KDM6A: variants seen among roughly 807,000 people sequenced by gnomAD.
KDM6A encodes the protein lysine-specific demethylase 6A.
In KDM6A, 11 loss-of-function variants were observed where a neutral mutation model predicts 117.6. The ratio of observed to expected loss-of-function variants is 0.09; its 90% CI spans 0.06 to 0.15. The LOEUF is 0.15. KDM6A is among the 10% of genes least tolerant of loss of function. The probability of loss-of-function intolerance (pLI) is 1.00; values close to 1 mark genes in which losing one functional copy is unlikely to be tolerated. For missense variants in KDM6A, 799 were observed against 1,077.3 expected (o/e 0.74, Z 3.62); for synonymous variants, 384 against 396.1 (o/e 0.97, Z 0.36).
chrX:45,060,426 A>G (rs1462657334), intron 13 of KDM6A, among the ~76,000 whole-genome samples, 183 bp from the exon 14 acceptor site: 9 of 112,178 alleles, frequency 8.0e-5, no homozygotes, highest in African/African-American at 2.9e-4. Context: ...TTTTAAGGCA[A>G]GTTTTTCAAA....
intron 4 of KDM6A, among the ~76,000 whole-genome samples, chrX:44,988,073 G>A (rs763120987): frequency 4.5e-5 from 5 of 111,806 alleles, no homozygotes; most frequent in South Asian, 3.8e-4. Flanking sequence ...GTCTTTTCAC[G>A]TAGTCCCGTA....
At chrX:44,914,720 C>T (rs1273404873) in intron 2 of KDM6A, among the ~76,000 whole-genome samples, 1 of 110,497 alleles carries the variant, frequency 9.1e-6, no homozygotes, top group African/African-American at 3.3e-5. Context: ...TGGAAAAGAA[C>T]CAGATGTAAT....
intron 5 of KDM6A, among the ~76,000 whole-genome samples, chrX:45,016,873 A>G (rs1042060686): frequency 9.0e-6 from 1 of 111,553 alleles, no homozygotes; most frequent in African/African-American, 3.3e-5. Flanking sequence ...TATTTTTACT[A>G]TAGTTTTAGA....
rs1247978055 is a variant in KDM6A, at chrX:45,060,642, G to A, written c.1363G>A (p.Val455Ile). The change falls in exon 14 of 30, where the codon GTA becomes ATA. Residue 455 changes from valine (V) to isoleucine (I), a missense_variant. Physicochemically the swap from Val to Ile is conservative, Grantham distance 29. Coordinates refer to ENST00000611820, the MANE Select transcript of KDM6A (RefSeq NM_001291415.2). ...ACCTCATCATCCAAATACTGAACCTGTATTAGGCCTCAGTCAAACACCAAT... is the reference window on the plus strand; with the variant it reads ...ACCTCATCATCCAAATACTGAACCTATATTAGGCCTCAGTCAAACACCAAT... ...CKPHHPNTEP[V>I]LGLSQTPISQ... The A allele has an allele frequency of 9.4e-6, 10 of 1,067,422 alleles. No individual in the cohort carries two copies. The highest frequency in any genetic ancestry group is 2.8e-5 in the Admixed American group (1 of 35,582). The allele number at this position is 1,067,422 out of a possible 1,213,427, so 88.0% of individuals were successfully genotyped here. A position where few individuals can be genotyped will look rare whatever the true frequency, so the allele number is the denominator to read the frequency against.
At chrX:44,953,979 G>A (rs1263863507) in intron 2 of KDM6A, among the ~76,000 whole-genome samples, 1 of 109,169 alleles carries the variant, frequency 9.2e-6, no homozygotes, top group Non-Finnish European at 1.9e-5. Context: ...GAGCACCTAA[G>A]CCTGGGAGGT....
intron 3 of KDM6A, among the ~76,000 whole-genome samples, chrX:44,965,637 T>G (rs750926376): frequency 2.9e-4 from 32 of 112,115 alleles, no homozygotes; most frequent in African/African-American, 1.0e-3. Flanking sequence ...TACTGTCTTA[T>G]GTGGGCACAG....
chrX:45,077,673 G>T (rs142885191), intron 19 of KDM6A, among the ~76,000 whole-genome samples: 1 of 110,794 alleles, frequency 9.0e-6, no homozygotes, highest in Admixed American at 9.6e-5. Context: ...AAAAAAAAAT[G>T]CAAAATTAAG....
At position 44,964,426 on chromosome X, in the gene KDM6A, G is replaced by A. The variant is rs554151775; in HGVS notation, c.334+3034G>A. On this transcript the variant is annotated intron_variant, in intron 3 of 29. Transcript: ENST00000611820. ...ATCGCACCATTGCACTCCAGCCTGG[G>A]TGACAGAGTGAGACTCTGTCTCAGA... Among the ~76,000 whole-genome samples the A allele has an allele frequency of 1.1e-4, 11 of 99,255 alleles. No individual in the cohort carries two copies. The South Asian group carries it at 4.6e-3, about 42-fold the overall frequency. The allele number at this position is 99,255 out of a possible 115,157, so 86.2% of individuals were successfully genotyped here. A position where few individuals can be genotyped will look rare whatever the true frequency, so the allele number is the denominator to read the frequency against.
intron 4 of KDM6A, among the ~76,000 whole-genome samples, chrX:44,988,035 T>G (rs1244267381): frequency 2.7e-5 from 3 of 112,178 alleles, no homozygotes; most frequent in Non-Finnish European, 3.8e-5. Flanking sequence ...CCCGTCACTT[T>G]CAGGTACACC....
At chrX:44,919,659 G>A (rs868837124) in intron 2 of KDM6A, among the ~76,000 whole-genome samples, 3,610 of 38,119 alleles carry the variant, frequency 0.095, 211 homozygotes, top group African/African-American at 0.35. Flanking sequence ...TTTTTTTTTT[G>A]AGATGGGGTC....
intron 2 of KDM6A, among the ~76,000 whole-genome samples, chrX:44,940,297 G>A (rs546310049): frequency 1.9e-4 from 21 of 110,738 alleles, no homozygotes; most frequent in African/African-American, 6.6e-4. Flanking sequence ...CAAGTGATCC[G>A]TCCGCCTCAG....
At chrX:45,009,692 TGTA>T (rs1316621948) in intron 4 of KDM6A, among the ~76,000 whole-genome samples, 2 of 111,625 alleles carry the variant, frequency 1.8e-5, no homozygotes, top group African/African-American at 6.5e-5. Context: ...TTACAGAAGT[TGTA>T]GTATAATTAC....
intron 2 of KDM6A, among the ~76,000 whole-genome samples, chrX:44,896,948 G>C: frequency 9.1e-6 from 1 of 109,889 alleles, no homozygotes. Flanking sequence ...GTGATGTATT[G>C]GTGTGGGTGT....
chrX:45,006,369 C>T (rs1193224441), intron 4 of KDM6A, among the ~76,000 whole-genome samples: 1 of 109,491 alleles, frequency 9.1e-6, no homozygotes, highest in South Asian at 4.0e-4. Context: ...AAATAGCACT[C>T]GAATATAAAA....
intron 25 of KDM6A, among the ~76,000 whole-genome samples, chrX:45,087,733 A>G (rs1042842269): frequency 6.3e-5 from 7 of 111,796 alleles, no homozygotes; most frequent in Admixed American, 2.9e-4. Context: ...TTTGTTTCCT[A>G]TCTAAATGGA....
chrX:45,110,309 TC>T, intron 29 of KDM6A, 60 bp downstream of exon 29: 1 of 997,201 alleles, frequency 1.0e-6, no homozygotes, highest in Non-Finnish European at 1.4e-6. Flanking sequence ...CAGTGTTTGC[TC>T]TGCCACCTGA....
At chrX:44,923,259 A>G (rs1292506183) in intron 2 of KDM6A, among the ~76,000 whole-genome samples, 1 of 110,657 alleles carries the variant, frequency 9.0e-6, no homozygotes, top group Non-Finnish European at 1.9e-5. Context: ...AGATCCGTTG[A>G]GCTCCTTGGG....
At position 45,080,328 on chromosome X, in the gene KDM6A, G is replaced by T. The variant is rs767044379; in HGVS notation, c.3300+977G>T. Among the ~76,000 whole-genome samples, 155 of 111,274 alleles carry T rather than the reference G, an allele frequency of 1.4e-3. 1 individual carries two copies. Among genetic ancestry groups the T allele is most frequent in the Middle Eastern group, 4.7e-3 (1 of 214 alleles). ...AAAACAAAAATGTAAAAATAATCAG[G>T]ATTATTATTATTAAAAGACCCATAT... On this transcript the variant is annotated intron_variant, in intron 21 of 29. Coordinates refer to ENST00000611820, the MANE Select transcript of KDM6A (RefSeq NM_001291415.2).
chrX:44,874,057 C>G (rs2031183095), intron 2 of KDM6A, 70 bp downstream of exon 2: 2 of 1,023,516 alleles, frequency 2.0e-6, no homozygotes, highest in East Asian at 6.3e-5. Flanking sequence ...CCGGGCCCCG[C>G]GGCCGGGTCT....
Sources: allele counts gnomAD v4.1 joint callset (sites outside exome capture counted in the v4.1 genomes callset), GRCh38; gene constraint gnomAD v4.1.1; transcripts MANE v1.5; gene names NCBI Gene and HGNC (gene_info 2026-07-23, HGNC 2026-07-21).